ACTN1: variants seen among roughly 807,000 people sequenced by gnomAD.
The protein encoded by ACTN1 is alpha-actinin-1.
ACTN1 carries 30 observed loss-of-function variants against 119.6 expected under a neutral mutation model. The ratio of observed to expected loss-of-function variants is 0.25; its 90% confidence interval spans 0.19 to 0.34. The LOEUF (loss-of-function observed/expected upper bound fraction) is 0.34, where lower values mean the gene tolerates loss of function less well. Among genes scored for constraint, ACTN1 ranks in the 10% least tolerant of loss-of-function variants. The pLI, the probability that ACTN1 is intolerant of heterozygous loss-of-function variation, is 1.00. For missense variants in ACTN1, 764 were observed against 1,223.4 expected, an observed-to-expected ratio of 0.62 and a Z score of 5.60; for synonymous variants, 429 against 472.6, an observed-to-expected ratio of 0.91 and a Z score of 1.20.
At chr14:68,915,946 G>A (rs1193815190) in intron 3 of ACTN1, among the ~76,000 whole-genome samples, 1 of 152,164 alleles carries the variant, frequency 6.6e-6, no homozygotes, top group Non-Finnish European at 1.5e-5. Context: ...TTCGGGAGGC[G>A]GAGGTTGCAG....
chr14:68,879,908 C>T lies in ACTN1; in HGVS notation c.2280+54G>A. 5.6e-6 allele frequency: 9 copies of T among 1,596,020 alleles called. No individual in the cohort carries two copies. The highest frequency in any genetic ancestry group is 7.7e-6 in the Non-Finnish European group (9 of 1,167,742). ...CGTCCCGGGGAAGTGCCCTCCAGGG[C>T]CCTGGGGCAGGGGTTGGGGGCTGCA... On this transcript the variant is annotated intron_variant, in intron 18 of 21. Transcript: ENST00000394419. This position sits in a 1 kb window ranked among gnomAD's most constrained non-coding sequence, Gnocchi z 4.9.
chr14:68,902,169 C>A (rs927713650), intron 8 of ACTN1, among the ~76,000 whole-genome samples: 17 of 152,188 alleles, frequency 1.1e-4, no homozygotes, highest in African/African-American at 3.9e-4. Flanking sequence ...CTTTCAGTAG[C>A]CTTCCAGAAC....
intron 7 of ACTN1, 51 bp downstream of exon 7, chr14:68,904,604 G>A: frequency 1.3e-6 from 2 of 1,559,710 alleles, no homozygotes; most frequent in Non-Finnish European, 1.8e-6. Context: ...CTTAGCCGCT[G>A]AGTGGCAGGT....
chr14:68,882,082 C>T lies in ACTN1; in HGVS notation c.1953+376G>A, dbSNP rs751263460. ...TCCCAAGTAGCTGGGATTATAGGCA[C>T]GCATCATCACACCCGGCTGATTTTT... is the stretch of plus-strand genomic sequence containing the variant. On this transcript the variant is annotated intron_variant, in intron 16 of 21. Coordinates refer to ENST00000394419, the MANE Select transcript of ACTN1 (RefSeq NM_001130004.2). The surrounding 1 kb of genome is among the most constrained non-coding windows in gnomAD (Gnocchi z 4.5). Among the ~76,000 whole-genome samples the T allele has an allele frequency of 5.9e-5, 9 of 151,864 alleles. No homozygotes were observed. The highest frequency in any genetic ancestry group is 7.4e-5 in the Non-Finnish European group (5 of 67,980).
chr14:68,899,065 TCACACACCA>T (rs144258495), intron 8 of ACTN1, among the ~76,000 whole-genome samples: 1,945 of 63,820 alleles, frequency 0.03, 42 homozygotes, highest in Non-Finnish European at 0.032. Flanking sequence ...CACACACACC[TCACACACCA>T]CACACACACC....
chr14:68,876,285 G>C (rs188342083), intron 21 of ACTN1, among the ~76,000 whole-genome samples: 1 of 152,312 alleles, frequency 6.6e-6, no homozygotes, highest in Admixed American at 6.5e-5. Context: ...GAGCCACTGT[G>C]CCTGGCCTGA....
At chr14:68,927,065 C>T (rs1187914902) in intron 1 of ACTN1, among the ~76,000 whole-genome samples, 4 of 152,212 alleles carry the variant, frequency 2.6e-5, no homozygotes, top group Non-Finnish European at 5.9e-5. Flanking sequence ...CATATCTCCA[C>T]TCTGCAGGCC....
intron 1 of ACTN1, among the ~76,000 whole-genome samples, chr14:68,957,786 T>TC (rs572628943): frequency 0.012 from 1,864 of 152,262 alleles, 37 homozygotes; most frequent in African/African-American, 0.043. Flanking sequence ...CCCTGGAAGC[T>TC]TCCTCCTAAT....
intron 8 of ACTN1, among the ~76,000 whole-genome samples, chr14:68,899,338 C>G (rs916943416): frequency 2.0e-5 from 3 of 150,468 alleles, no homozygotes; most frequent in Non-Finnish European, 1.5e-5. Flanking sequence ...TCACCCCTCA[C>G]ACCTCCTACA....
At chr14:68,976,780 G>C (rs927775231) in intron 1 of ACTN1, among the ~76,000 whole-genome samples, 1 of 152,194 alleles carries the variant, frequency 6.6e-6, no homozygotes, top group African/African-American at 2.4e-5. Flanking sequence ...CTCTGGCCCT[G>C]GTTTCCTAGT....
chr14:68,937,743 T>C (rs1317678139), intron 1 of ACTN1, among the ~76,000 whole-genome samples: 1 of 152,230 alleles, frequency 6.6e-6, no homozygotes, highest in Non-Finnish European at 1.5e-5. Flanking sequence ...TTCTTCTCCC[T>C]GAGTAGAGCA....
At position 68,916,174 on chromosome 14, in the gene ACTN1, GCT is replaced by G. The variant is rs996481172; in HGVS notation, c.341-3934_341-3933del. ...AAAAATTTTTTAAGCCTAGAAAAAA[GCT>G]CTGAGTGGTAATCCCATGGTTTGGC... On this transcript the variant is annotated intron_variant, in intron 3 of 21. Transcript: ENST00000394419. 5.5e-4 allele frequency among the ~76,000 whole-genome samples: 84 copies of G among 152,168 alleles called. 1 individual carries two copies. Among genetic ancestry groups the G allele is most frequent in the African/African-American group, 1.9e-3 (80 of 41,442 alleles).
intron 1 of ACTN1, among the ~76,000 whole-genome samples, chr14:68,970,546 A>C (rs940090113): frequency 2.2e-4 from 33 of 152,228 alleles, no homozygotes; most frequent in African/African-American, 7.7e-4. Flanking sequence ...AGGGAAGGAC[A>C]GACAGAACAG....
At chr14:68,900,625 T>C (rs966919807) in intron 8 of ACTN1, among the ~76,000 whole-genome samples, 2 of 152,086 alleles carry the variant, frequency 1.3e-5, no homozygotes, top group Non-Finnish European at 1.5e-5. Context: ...TCTCTCTCGC[T>C]TGTGGTATCC....
chr14:68,948,458 A>G (rs1446379740), intron 1 of ACTN1, among the ~76,000 whole-genome samples: 1 of 152,110 alleles, frequency 6.6e-6, no homozygotes, highest in Non-Finnish European at 1.5e-5. Context: ...AGCGCCTGTA[A>G]TCCCAGCTAC....
intron 1 of ACTN1, among the ~76,000 whole-genome samples, chr14:68,942,962 C>G (rs1033054909): frequency 6.6e-6 from 1 of 152,110 alleles, no homozygotes; most frequent in Admixed American, 6.5e-5. Context: ...GACGGAGGAG[C>G]CTAACGACCT....
At position 68,979,280 on chromosome 14, in the gene ACTN1, T is replaced by G; in HGVS notation, c.-224A>C. 3.0e-6 allele frequency: 1 copy of G among 332,586 alleles called. No homozygotes were observed. Among genetic ancestry groups the G allele is most frequent in the Non-Finnish European group, 5.4e-6 (1 of 186,200 alleles). The allele number at this position is 332,586 out of a possible 1,614,324, so 20.6% of individuals were successfully genotyped here. ...GACTGCCTGCCTCTGGGCGGGCGCTTGGACCTAATCTCCACGCACACTGAA... is the reference window on the plus strand; with the variant it reads ...GACTGCCTGCCTCTGGGCGGGCGCTGGGACCTAATCTCCACGCACACTGAA... On this transcript the variant is annotated 5_prime_UTR_variant, in exon 1 of 22. Coordinates refer to ENST00000394419, the MANE Select transcript of ACTN1 (RefSeq NM_001130004.2).
chr14:68,937,811 C>A (rs1419754369), intron 1 of ACTN1, among the ~76,000 whole-genome samples: 1 of 152,244 alleles, frequency 6.6e-6, no homozygotes, highest in African/African-American at 2.4e-5. Flanking sequence ...CCTCCCCAGG[C>A]AAGCACCCTG....
At chr14:68,936,568 C>T (rs574040200) in intron 1 of ACTN1, 12 of 471,948 alleles carry the variant, frequency 2.5e-5, no homozygotes, top group South Asian at 1.7e-4. Context: ...GGAACTGTTA[C>T]GGGAATTGAA....
Sources: gnomAD v4.1 joint callset for allele counts (sites outside exome capture counted in the v4.1 genomes callset) on GRCh38, gnomAD v4.1.1 for gene constraint, Gnocchi (gnomAD v3.1) non-coding constraint, MANE v1.5 for transcripts, NCBI Gene and HGNC (gene_info 2026-07-23, HGNC 2026-07-21) for gene names.